CACHD1: variants seen among roughly 807,000 people sequenced by gnomAD.
CACHD1 encodes VWFA and cache domain-containing protein 1.
A neutral mutation model predicts 138.7 loss-of-function variants in CACHD1; 71 were observed. That is an observed-to-expected ratio of 0.51 (90% CI 0.42 to 0.62). CACHD1 has a LOEUF of 0.62. Ranked by LOEUF, CACHD1 falls within the 20% of genes least tolerant of loss-of-function variation. The probability of loss-of-function intolerance (pLI) is 0.00; values close to 1 mark genes in which losing one functional copy is unlikely to be tolerated. For synonymous variants in CACHD1, 578 were observed against 591.5 expected, an observed-to-expected ratio of 0.98 and a Z score of 0.33; for missense variants, 1,389 against 1,625.3, an observed-to-expected ratio of 0.85 and a Z score of 2.50.
Position 64,682,082 on chromosome 1 carries a change from C to G in CACHD1, c.3562C>G (p.Arg1188Gly). The G allele has an allele frequency of 6.2e-7, 1 of 1,614,000 alleles. No individual in the cohort carries two copies. The highest frequency in any genetic ancestry group is 8.5e-7 in the Non-Finnish European group (1 of 1,179,984). ...SPERRRRYWGRSGTESDHGYS... is the reference protein window; with the variant it reads ...SPERRRRYWGGSGTESDHGYS... ...AGAAAGAAGGCGCCGCTACTGGGGT[C>G]GATCAGGAACAGAAAGTGATCATGG... The change falls in exon 26 of 27, where the codon CGA (arginine) becomes GGA (glycine). Residue 1188 changes from arginine (R) to glycine (G), a missense_variant. Physicochemically the swap from Arg to Gly is moderately radical, Grantham distance 125 (BLOSUM62 -2). Around this residue, in one of 5 missense-constraint regions of CACHD1, gnomAD observed 250 missense variants for 292.9 expected, o/e 0.85. Coordinates refer to ENST00000651257, the MANE Select transcript of CACHD1 (RefSeq NM_020925.4).
intron 1 of CACHD1, among the ~76,000 whole-genome samples, chr1:64,472,273 T>A (rs1449357995): frequency 6.6e-6 from 1 of 152,106 alleles, no homozygotes; most frequent in Non-Finnish European, 1.5e-5. Flanking sequence ...CTTCTCCTCC[T>A]CTTTCTTTTC....
chr1:64,543,204 C>G (rs1646690604), intron 1 of CACHD1, among the ~76,000 whole-genome samples: 1 of 151,440 alleles, frequency 6.6e-6, no homozygotes, highest in African/African-American at 2.4e-5. Context: ...TTTCCATACT[C>G]TTGGCAAACT....
intron 1 of CACHD1, among the ~76,000 whole-genome samples, chr1:64,506,714 C>T (rs1231752303): frequency 6.6e-6 from 1 of 152,152 alleles, no homozygotes; most frequent in Non-Finnish European, 1.5e-5. Context: ...TATCTTGTGT[C>T]ACGGTTTTGT....
chr1:64,475,674 G>A (rs550061715), intron 1 of CACHD1, among the ~76,000 whole-genome samples: 142 of 152,236 alleles, frequency 9.3e-4, no homozygotes, highest in Non-Finnish European at 1.1e-3. Flanking sequence ...AGCCTCCTGA[G>A]TAGCTGGGTC....
chr1:64,627,682 T>A (rs1648159244), intron 4 of CACHD1, among the ~76,000 whole-genome samples: 1 of 152,148 alleles, frequency 6.6e-6, no homozygotes, highest in Non-Finnish European at 1.5e-5. Flanking sequence ...TATAAAAACA[T>A]AATACCGTAA....
In CACHD1 at chr1:64,679,719, C is replaced by T. The variant is rs771436829; in HGVS notation, c.3369C>T (p.Arg1123=). 2.1e-5 allele frequency: 34 copies of T among 1,614,002 alleles called. No individual in the cohort carries two copies. In the South Asian group the frequency reaches 3.6e-4, roughly 17 times the overall value. The change falls in exon 24 of 27, where the codon CGC becomes CGT. Residue 1123 remains arginine, a synonymous_variant. Transcript: ENST00000651257. ...AVYAYRHQIH[R]RSHQHMSPLA... ...ATGCCTACCGCCACCAGATTCATCG[C>T]CGGAGCCATCAGCATATGTCTCCTC...
At chr1:64,593,929 T>A (rs899629874) in intron 3 of CACHD1, among the ~76,000 whole-genome samples, 3 of 152,172 alleles carry the variant, frequency 2.0e-5, no homozygotes, top group African/African-American at 7.2e-5. Context: ...GTAGAAACTG[T>A]CTCTGCCCAC....
chr1:64,541,597 C>T (rs905576480), intron 1 of CACHD1, among the ~76,000 whole-genome samples: 8 of 152,028 alleles, frequency 5.3e-5, no homozygotes, highest in East Asian at 1.9e-4. Flanking sequence ...TGCTTGAGCC[C>T]GGAAATTCGA....
Position 64,647,875 on chromosome 1 carries a change from C to T in CACHD1, c.1231C>T (p.Pro411Ser). The T allele has an allele frequency of 6.2e-7, 1 of 1,614,102 alleles. No homozygotes were observed. Among genetic ancestry groups the T allele is most frequent in the Non-Finnish European group, 8.5e-7 (1 of 1,179,996 alleles). The change falls in exon 9 of 27, where the codon CCA becomes TCA. Residue 411 changes from proline (P) to serine (S), a missense_variant. Around this residue, in one of 5 missense-constraint regions of CACHD1, gnomAD observed 1,000 missense variants for 1,114.7 expected, o/e 0.90. Coordinates refer to ENST00000651257, the MANE Select transcript of CACHD1 (RefSeq NM_020925.4). ...ACAGAATTCAGGGAAGTACGGTGTG[C>T]CAGACCGGATGGCCTTGCCTGTGAT... is the stretch of plus-strand genomic sequence containing the variant. ...AEQNSGKYGV[P>S]DRMALPVIKG...
At chr1:64,614,296 T>G (rs1238357616) in intron 4 of CACHD1, among the ~76,000 whole-genome samples, 1 of 152,176 alleles carries the variant, frequency 6.6e-6, no homozygotes, top group Non-Finnish European at 1.5e-5. Context: ...GCCTATGTGT[T>G]GCTCTTCTTA....
intron 5 of CACHD1, among the ~76,000 whole-genome samples, chr1:64,629,841 T>C (rs1298148434): frequency 6.6e-6 from 1 of 152,172 alleles, no homozygotes; most frequent in Admixed American, 6.5e-5. Context: ...TTATAACATA[T>C]CTCAGAGTAG....
At chr1:64,557,741 A>G (rs567569962) in intron 2 of CACHD1, among the ~76,000 whole-genome samples, 12 of 152,150 alleles carry the variant, frequency 7.9e-5, no homozygotes, top group African/African-American at 2.4e-4. Context: ...GTCCACACTC[A>G]TTAGATCCAG....
intron 4 of CACHD1, 27 bp downstream of exon 4, chr1:64,602,939 A>C: frequency 1.4e-6 from 2 of 1,441,306 alleles, no homozygotes; most frequent in South Asian, 2.3e-5. Flanking sequence ...CTTTATAAAG[A>C]TGAACTGTAT....
intron 4 of CACHD1, among the ~76,000 whole-genome samples, chr1:64,611,264 C>T (rs564257400): frequency 2.0e-5 from 3 of 152,246 alleles, no homozygotes; most frequent in Non-Finnish European, 4.4e-5. Context: ...TGGCTGTTAA[C>T]ATTCGGCTCC....
rs1181188833 is a variant in CACHD1, at chr1:64,677,038, G to A, written c.3092+27G>A. The A allele has an allele frequency of 2.0e-6, 3 of 1,523,052 alleles. No individual in the cohort carries two copies. The Admixed American group carries it at 5.3e-5, about 27-fold the overall frequency. The allele number at this position is 1,523,052 out of a possible 1,614,324, so 94.3% of individuals were successfully genotyped here. ...TAAGCAGAATCTAGTAAAGAATTGA[G>A]GTTTTCCAGCTAATATTTATTATTC... On this transcript the variant is annotated intron_variant, in intron 22 of 26. Coordinates refer to ENST00000651257, the MANE Select transcript of CACHD1 (RefSeq NM_020925.4).
At chr1:64,570,711 T>C (rs572361104) in intron 2 of CACHD1, among the ~76,000 whole-genome samples, 5 of 152,244 alleles carry the variant, frequency 3.3e-5, no homozygotes, top group African/African-American at 1.2e-4. Context: ...AAGGATATAA[T>C]AAAATTGTTG....
chr1:64,612,110 C>T (rs1289017072), intron 4 of CACHD1, among the ~76,000 whole-genome samples: 2 of 152,084 alleles, frequency 1.3e-5, no homozygotes, highest in African/African-American at 4.8e-5. Flanking sequence ...GAAACTGCCC[C>T]CATGATCCAA....
chr1:64,629,301 C>T, intron 4 of CACHD1, 54 bp from the exon 5 acceptor site: 1 of 1,588,454 alleles, frequency 6.3e-7, no homozygotes, highest in Admixed American at 1.7e-5. Flanking sequence ...AGGAGCAGTG[C>T]CTGCATGCAC....
chr1:64,592,725 G>A (rs1647116996), intron 3 of CACHD1, among the ~76,000 whole-genome samples: 1 of 152,178 alleles, frequency 6.6e-6, no homozygotes, highest in South Asian at 2.1e-4. Context: ...GCAAGGAACG[G>A]CTGTGGTCAG....
Sources: gnomAD v4.1 joint callset for allele counts (sites outside exome capture counted in the v4.1 genomes callset) on GRCh38, gnomAD v4.1.1 for gene constraint, gnomAD v4.1.1 regional missense constraint, MANE v1.5 for transcripts, NCBI Gene and HGNC (gene_info 2026-07-23, HGNC 2026-07-21) for gene names.